KCNH1: variants seen among roughly 807,000 people sequenced by gnomAD.
KCNH1 encodes potassium voltage-gated channel subfamily H member 1, also known as voltage-gated delayed rectifier potassium channel KCNH1.
A neutral mutation model predicts 69.2 loss-of-function variants in KCNH1; 27 were observed. That is an observed-to-expected ratio of 0.39 (90% CI 0.29 to 0.54). KCNH1 has a LOEUF of 0.54. Ranked by LOEUF, KCNH1 falls within the 20% of genes least tolerant of loss-of-function variation. The pLI, the probability that KCNH1 is intolerant of heterozygous loss-of-function variation, is 0.68. For synonymous variants in KCNH1, 456 were observed against 487.7 expected, an observed-to-expected ratio of 0.93 and a Z score of 0.86; for missense variants, 798 against 1,261.6, an observed-to-expected ratio of 0.63 and a Z score of 5.57.
At chr1:210,944,625 A>G (rs1687926298) in intron 6 of KCNH1, among the ~76,000 whole-genome samples, 2 of 152,212 alleles carry the variant, frequency 1.3e-5, no homozygotes, top group Non-Finnish European at 2.9e-5. Flanking sequence ...GCCTCATTTC[A>G]GGCACAGAGC....
chr1:210,937,230 G>A (rs913769022), intron 6 of KCNH1, among the ~76,000 whole-genome samples: 1 of 152,116 alleles, frequency 6.6e-6, no homozygotes. Flanking sequence ...CCTTCCCAAG[G>A]GTTACCAATG....
rs530634698 is a variant in KCNH1 at position 210,918,456 on chromosome 1, C to T, written c.1462+1184G>A. On this transcript the variant is annotated intron_variant, in intron 7 of 10. Coordinates refer to ENST00000271751, the MANE Select transcript of KCNH1 (RefSeq NM_172362.3). ...GCAGTTTCACAATGAGTCCAATCCA[C>T]TCAAACTTGTTTGCTTTTTCCATCC... Among the ~76,000 whole-genome samples the T allele has an allele frequency of 3.9e-5, 6 of 152,340 alleles. No individual in the cohort carries two copies. The South Asian group carries it at 1.0e-3, about 26-fold the overall frequency.
intron 5 of KCNH1, among the ~76,000 whole-genome samples, chr1:211,080,028 G>A (rs1431665480): frequency 6.6e-6 from 1 of 152,200 alleles, no homozygotes; most frequent in Non-Finnish European, 1.5e-5. Flanking sequence ...AAGTCAAATT[G>A]TCCCTGTTTG....
At chr1:211,000,364 CACT>C (rs1477556281) in intron 6 of KCNH1, among the ~76,000 whole-genome samples, 3 of 152,114 alleles carry the variant, frequency 2.0e-5, no homozygotes, top group African/African-American at 7.2e-5. Context: ...TCTTATACAC[CACT>C]AACAGACAAA....
chr1:210,871,950 C>G (rs1174929796), intron 7 of KCNH1, among the ~76,000 whole-genome samples: 1 of 149,774 alleles, frequency 6.7e-6, no homozygotes, highest in Non-Finnish European at 1.5e-5. Flanking sequence ...ATACCTAATG[C>G]TAGAGGACGA....
chr1:211,080,345 C>T (rs1454676475), intron 5 of KCNH1, among the ~76,000 whole-genome samples: 1 of 152,196 alleles, frequency 6.6e-6, no homozygotes, highest in Non-Finnish European at 1.5e-5. Flanking sequence ...AAGAACATTC[C>T]ATCCTCATGG....
chr1:211,130,237 T>C lies in KCNH1; in HGVS notation c.79+3630A>G, dbSNP rs1456748149. 5.3e-5 allele frequency among the ~76,000 whole-genome samples: 8 copies of C among 152,240 alleles called. No homozygotes were observed. The East Asian group carries it at 1.2e-3, about 22-fold the overall frequency. On this transcript the variant is annotated intron_variant, in intron 1 of 10. Transcript: ENST00000271751. ...ACCATAAGCAAAATCAAATAAAATATGGAGTATTAATTATTTCTGCTGCCT... is the reference window on the plus strand; with the variant it reads ...ACCATAAGCAAAATCAAATAAAATACGGAGTATTAATTATTTCTGCTGCCT...
At chr1:211,117,620 T>C (rs1362880275) in intron 1 of KCNH1, among the ~76,000 whole-genome samples, 1 of 152,180 alleles carries the variant, frequency 6.6e-6, no homozygotes, top group Non-Finnish European at 1.5e-5. Flanking sequence ...GGGTAAAAGA[T>C]ACTCTATTAA....
intron 7 of KCNH1, among the ~76,000 whole-genome samples, chr1:210,863,884 C>G (rs1254950653): frequency 6.6e-6 from 1 of 152,198 alleles, no homozygotes; most frequent in Admixed American, 6.5e-5. Flanking sequence ...GACCTCTCCC[C>G]TGTCATGTAG....
chr1:210,809,663 C>T (rs1456346878), intron 7 of KCNH1, among the ~76,000 whole-genome samples: 1 of 152,128 alleles, frequency 6.6e-6, no homozygotes, highest in Non-Finnish European at 1.5e-5. Context: ...CATAGACTAG[C>T]CAGAACCACT....
In KCNH1 at chr1:210,906,193, G is replaced by A. The variant is rs537938976; in HGVS notation, c.1462+13447C>T. ...GAGTCTTCTCCCTGCCTCAAGCCTCGTGCTCGGCTTATAAGCCTGGGGATA... is the reference window on the plus strand; with the variant it reads ...GAGTCTTCTCCCTGCCTCAAGCCTCATGCTCGGCTTATAAGCCTGGGGATA... On this transcript the variant is annotated intron_variant, in intron 7 of 10. Coordinates refer to ENST00000271751, the MANE Select transcript of KCNH1 (RefSeq NM_172362.3). 1.2e-4 allele frequency among the ~76,000 whole-genome samples: 18 copies of A among 152,172 alleles called. No homozygotes were observed. The East Asian group carries it at 2.1e-3, about 18-fold the overall frequency.
intron 7 of KCNH1, among the ~76,000 whole-genome samples, chr1:210,912,254 C>T (rs948256619): frequency 3.3e-5 from 5 of 152,140 alleles, no homozygotes; most frequent in Admixed American, 1.3e-4. Flanking sequence ...GGGATCACTC[C>T]TGCTGCTCCT....
chr1:211,059,695 A>C (rs1245976685), intron 5 of KCNH1, among the ~76,000 whole-genome samples: 1 of 151,984 alleles, frequency 6.6e-6, no homozygotes, highest in Non-Finnish European at 1.5e-5. Context: ...GTGAGCCGAG[A>C]TTGCGCCACT....
intron 9 of KCNH1, among the ~76,000 whole-genome samples, chr1:210,777,081 C>A (rs1683875546): frequency 6.6e-6 from 1 of 152,166 alleles, no homozygotes. Context: ...CCTGTACATC[C>A]AGATAGGCCA....
At chr1:211,120,758 G>A (rs1428314287) in intron 1 of KCNH1, among the ~76,000 whole-genome samples, 1 of 152,068 alleles carries the variant, frequency 6.6e-6, no homozygotes, top group Non-Finnish European at 1.5e-5. Flanking sequence ...GTTTGCAGAC[G>A]ACATGATTTT....
In KCNH1 at chr1:210,907,590, C is replaced by T. The variant is rs1197360473; in HGVS notation, c.1462+12050G>A. On this transcript the variant is annotated intron_variant, in intron 7 of 10. Coordinates refer to ENST00000271751, the MANE Select transcript of KCNH1 (RefSeq NM_172362.3). The stretch of plus-strand genomic sequence containing the variant: ...CTATTATTGGCAGTATGATGTGATC[C>T]TGTTCTGTCCTAGTGCCAGGGCTGA... Among the ~76,000 whole-genome samples, 9 of 152,118 alleles carry T rather than the reference C, an allele frequency of 5.9e-5. No homozygotes were observed. In the East Asian group the frequency reaches 1.5e-3, roughly 26 times the overall value.
At chr1:211,118,103 T>C (rs1276924184) in intron 1 of KCNH1, among the ~76,000 whole-genome samples, 1 of 152,228 alleles carries the variant, frequency 6.6e-6, no homozygotes, top group African/African-American at 2.4e-5. Flanking sequence ...AATATTAAAA[T>C]GTGCCATGTT....
intron 6 of KCNH1, 62 bp from the exon 7 acceptor site, chr1:210,920,131 C>G (rs118014317): frequency 6.9e-7 from 1 of 1,452,398 alleles, no homozygotes; most frequent in Admixed American, 1.8e-5. Context: ...TCGTCCCCTC[C>G]GCCCCACTTG....
intron 6 of KCNH1, among the ~76,000 whole-genome samples, chr1:210,942,608 G>T (rs372548724): frequency 2.0e-5 from 3 of 152,090 alleles, no homozygotes; most frequent in African/African-American, 7.2e-5. Context: ...TAAATAAGGA[G>T]AATAATGCCC....
Sources: allele counts gnomAD v4.1 joint callset (sites outside exome capture counted in the v4.1 genomes callset), GRCh38; gene constraint gnomAD v4.1.1; transcripts MANE v1.5; gene names NCBI Gene and HGNC (gene_info 2026-07-23, HGNC 2026-07-21).